CTNNA2: variants seen among roughly 807,000 people sequenced by gnomAD.
CTNNA2 encodes catenin alpha-2.
A neutral mutation model predicts 101.0 loss-of-function variants in CTNNA2; 42 were observed. That is an observed-to-expected ratio of 0.42 (90% CI 0.32 to 0.54). The LOEUF is 0.54. Among genes scored for constraint, CTNNA2 ranks in the 20% least tolerant of loss-of-function variants. The pLI is 0.14. For synonymous variants in CTNNA2, 450 were observed against 456.4 expected, an observed-to-expected ratio of 0.99 and a Z score of 0.18; for missense variants, 871 against 1,223.1, an observed-to-expected ratio of 0.71 and a Z score of 4.29.
chr2:79,865,421 T>A (rs6547286), intron 4 of CTNNA2, among the ~76,000 whole-genome samples: 1 of 152,006 alleles, frequency 6.6e-6, no homozygotes, highest in Non-Finnish European at 1.5e-5. Flanking sequence ...AACAAGAGAT[T>A]TACATATGAT....
chr2:79,780,485 C>A (rs1410308555), intron 3 of CTNNA2, among the ~76,000 whole-genome samples: 1 of 152,158 alleles, frequency 6.6e-6, no homozygotes, highest in Non-Finnish European at 1.5e-5. Flanking sequence ...ATACAGACCC[C>A]TCTGAGATTC....
intron 7 of CTNNA2, among the ~76,000 whole-genome samples, chr2:79,922,428 T>G (rs780825703): frequency 1.3e-5 from 2 of 152,194 alleles, no homozygotes; most frequent in Non-Finnish European, 2.9e-5. Context: ...CAGATACCTC[T>G]TCTTCCGTGT....
At chr2:80,635,841 G>GGCATATC (rs1558665770) in intron 18 of CTNNA2, among the ~76,000 whole-genome samples, 1 of 152,076 alleles carries the variant, frequency 6.6e-6, no homozygotes, top group Non-Finnish European at 1.5e-5. Context: ...TGATTGATTG[G>GGCATATC]GCATATCTGT....
chr2:79,953,013 G>A (rs1426738108), intron 7 of CTNNA2, among the ~76,000 whole-genome samples: 1 of 152,178 alleles, frequency 6.6e-6, no homozygotes, highest in African/African-American at 2.4e-5. Context: ...TCAGGATGTA[G>A]CCCTGTGAAA....
chr2:80,601,782 A>AT, intron 15 of CTNNA2: 1 of 151,944 alleles, frequency 6.6e-6, no homozygotes. Context: ...TCTGTTTGTA[A>AT]TTTTATTAGT....
intron 9 of CTNNA2, among the ~76,000 whole-genome samples, chr2:80,468,381 A>G (rs1368909266): frequency 6.6e-6 from 1 of 152,066 alleles, no homozygotes; most frequent in African/African-American, 2.4e-5. Context: ...GGCTACAGAG[A>G]TGGATGTTAT....
intron 7 of CTNNA2, among the ~76,000 whole-genome samples, chr2:80,149,956 AC>A (rs1186742722): frequency 1.3e-5 from 2 of 152,200 alleles, no homozygotes; most frequent in Non-Finnish European, 2.9e-5. Flanking sequence ...CAAAGCATCC[AC>A]CCTAGGCCTG....
chr2:80,437,757 G>A (rs1355648002), intron 9 of CTNNA2, among the ~76,000 whole-genome samples: 2 of 152,326 alleles, frequency 1.3e-5, no homozygotes, highest in East Asian at 1.9e-4. Flanking sequence ...CCGGCACTTT[G>A]GGAGGCCAAG....
chr2:79,629,253 A>G (rs1366038772), intron 1 of CTNNA2, among the ~76,000 whole-genome samples: 1 of 127,026 alleles, frequency 7.9e-6, no homozygotes, highest in Non-Finnish European at 1.7e-5. Context: ...TTTAATGGTT[A>G]ATATAAAATT....
intron 4 of CTNNA2, among the ~76,000 whole-genome samples, chr2:79,409,949 C>T (rs1678389497): frequency 6.6e-6 from 1 of 152,020 alleles, no homozygotes; most frequent in Admixed American, 6.6e-5. Flanking sequence ...AATGTTCTTC[C>T]ATGTCTTTGT....
chr2:79,204,405 G>T (rs1337121979), intron 2 of CTNNA2, among the ~76,000 whole-genome samples: 1 of 152,040 alleles, frequency 6.6e-6, no homozygotes, highest in Non-Finnish European at 1.5e-5. Context: ...AATTTTTTAT[G>T]GATTTGTGTG....
At chr2:79,651,742 T>G in intron 2 of CTNNA2, 84 bp downstream of exon 2, 1 of 1,132,074 alleles carries the variant, frequency 8.8e-7, no homozygotes. Flanking sequence ...TTAGACATCC[T>G]TAAAAGAGAA....
chr2:79,889,663 C>G (rs1349010354), intron 6 of CTNNA2, among the ~76,000 whole-genome samples: 1 of 152,144 alleles, frequency 6.6e-6, no homozygotes, highest in East Asian at 1.9e-4. Flanking sequence ...TGTGTCTAAT[C>G]TATAGTAGGC....
At chr2:79,971,336 C>G (rs73938436) in intron 7 of CTNNA2, among the ~76,000 whole-genome samples, 1 of 152,136 alleles carries the variant, frequency 6.6e-6, no homozygotes, top group African/African-American at 2.4e-5. Flanking sequence ...CTATTATCAT[C>G]ATATTTCCTT....
At chr2:80,096,699 G>T (rs1357886502) in intron 7 of CTNNA2, among the ~76,000 whole-genome samples, 3 of 152,130 alleles carry the variant, frequency 2.0e-5, no homozygotes, top group Non-Finnish European at 4.4e-5. Context: ...CTTGTATTGG[G>T]TGCATATATA....
chr2:79,700,645 A>G (rs180780953), intron 2 of CTNNA2, among the ~76,000 whole-genome samples: 3 of 152,286 alleles, frequency 2.0e-5, no homozygotes, highest in Admixed American at 6.5e-5. Flanking sequence ...TATATTAAGG[A>G]CATATTCAAT....
chr2:79,773,987 A>G (rs117953261), intron 3 of CTNNA2, among the ~76,000 whole-genome samples: 7 of 152,082 alleles, frequency 4.6e-5, no homozygotes, highest in African/African-American at 1.7e-4. Context: ...GATGGCTGCT[A>G]CACCTTCCCC....
At chr2:79,231,766 C>A (rs909413063) in intron 2 of CTNNA2, among the ~76,000 whole-genome samples, 2 of 151,992 alleles carry the variant, frequency 1.3e-5, no homozygotes, top group Non-Finnish European at 2.9e-5. Context: ...CTTGAAGAGA[C>A]TTTTTACCTC....
At chr2:80,574,453 G>A in intron 13 of CTNNA2, 139 bp downstream of exon 13, 1 of 1,028,336 alleles carries the variant, frequency 9.7e-7, no homozygotes, top group Admixed American at 2.8e-5. Flanking sequence ...AGTCAGACAA[G>A]GTGAGCTTTA....
Sources: allele counts gnomAD v4.1 joint callset (sites outside exome capture counted in the v4.1 genomes callset), GRCh38; gene constraint gnomAD v4.1.1; transcripts MANE v1.5; gene names NCBI Gene and HGNC (gene_info 2026-07-23, HGNC 2026-07-21).